Variants in SSC5D observed in about 807,000 individuals in gnomAD.
The protein encoded by SSC5D is soluble scavenger receptor cysteine-rich domain-containing protein SSC5D.
In SSC5D, 106 loss-of-function variants were observed where a neutral mutation model predicts 104.6. The ratio of observed to expected loss-of-function variants is 1.01; its 90% confidence interval spans 0.87 to 1.19. The LOEUF is 1.19. SSC5D is among the 50% of genes most tolerant of loss of function. The pLI is 0.00. For missense variants in SSC5D, 1,993 were observed against 2,153.8 expected (o/e 0.93, Z 1.48); for synonymous variants, 860 against 883.5 (o/e 0.97, Z 0.47).
chr19:55,504,603 C>T (rs750785242), intron 12 of SSC5D, among the ~76,000 whole-genome samples: 4 of 152,204 alleles, frequency 2.6e-5, no homozygotes, highest in Non-Finnish European at 5.9e-5. Flanking sequence ...CAGGTTTAAA[C>T]GATTCTCCTG....
In SSC5D at chr19:55,495,216, C is replaced by CATATATATATGT. The variant is rs1555765015; in HGVS notation, c.1387+443_1387+444insGTATATATATAT. Among the ~76,000 whole-genome samples the CATATATATATGT allele has an allele frequency of 3.2e-3, 27 of 8,428 alleles. 2 individuals are homozygous for CATATATATATGT. The highest frequency in any genetic ancestry group is 4.2e-3 in the Non-Finnish European group (17 of 4,018). The allele number at this position is 8,428 out of a possible 152,430, so 5.5% of individuals were successfully genotyped here. ...ATCAATGGTTCTGCCTGCCTCCTTT[C>CATATATATATGT]ATATATATATATATATATTTTTTTT... is the stretch of plus-strand genomic sequence containing the variant. On this transcript the variant is annotated intron_variant, in intron 8 of 13. Transcript: ENST00000389623.
chr19:55,500,846 C>A lies in SSC5D; in HGVS notation c.2617+42C>A. On this transcript the variant is annotated intron_variant, in intron 11 of 13. Coordinates refer to ENST00000389623, the MANE Select transcript of SSC5D (RefSeq NM_001144950.2). The surrounding 1 kb of genome is among the most constrained non-coding windows in gnomAD (Gnocchi z 4.6). ...GCGGTGGTGGGGTTGTCGGGGGTGG[C>A]CAGGAGAATGGAGTCAGGGTGGGGC... 1 of 1,526,996 alleles carries A rather than the reference C, an allele frequency of 6.5e-7. No individual in the cohort carries two copies. 94.6% of individuals were successfully genotyped at this position (1,526,996 alleles called of 1,614,324 possible). A position where few individuals can be genotyped will look rare whatever the true frequency, so the allele number is the denominator to read the frequency against.
At chr19:55,506,373 ATTTTTTTTTTTTTTTTTTTTTTTT>A (rs869296361) in intron 12 of SSC5D, among the ~76,000 whole-genome samples, 29 of 72,064 alleles carry the variant, frequency 4.0e-4, no homozygotes, top group African/African-American at 1.4e-3. Context: ...TGGAATTTGG[ATTTTTTTTTTTTTTTTTTTTTTTT>A]TTTTTTTTTT....
intron 12 of SSC5D, among the ~76,000 whole-genome samples, chr19:55,508,938 A>C (rs974744607): frequency 2.8e-5 from 4 of 144,486 alleles, no homozygotes; most frequent in African/African-American, 1.0e-4. Context: ...CCTATACAGC[A>C]GGGATGGCCT....
chr19:55,505,074 A>G (rs1419747930), intron 12 of SSC5D, among the ~76,000 whole-genome samples: 1 of 151,274 alleles, frequency 6.6e-6, no homozygotes, highest in Non-Finnish European at 1.5e-5. Flanking sequence ...CGACTCTCCT[A>G]CCAGGTTCCA....
chr19:55,489,420 G>T lies in SSC5D; in HGVS notation c.119G>T (p.Arg40Leu). The T allele has an allele frequency of 6.7e-7, 1 of 1,491,010 alleles. No individual in the cohort carries two copies. The highest frequency in any genetic ancestry group is 8.9e-7 in the Non-Finnish European group (1 of 1,127,422). 92.4% of individuals were successfully genotyped at this position (1,491,010 alleles called of 1,614,324 possible). Residue 40 changes from arginine to leucine, a missense_variant, in exon 3 of 14, where the codon CGC (arginine) becomes CTC (leucine). Transcript: ENST00000389623. ...CGCCTGGAGGTCTGGCATGGCGGGC[G>T]CTGGGGCACCGTGTGTGATGACGGC... ...AGRLEVWHGG[R>L]WGTVCDDGWD...
In SSC5D at chr19:55,503,439, A is replaced by ATCTCCCGCGCCTTCCCTGCAG. The variant is rs1599923351; in HGVS notation, c.2785+2248_2785+2268dup. 2.0e-5 allele frequency among the ~76,000 whole-genome samples: 3 copies of ATCTCCCGCGCCTTCCCTGCAG among 151,270 alleles called. No individual in the cohort carries two copies. The highest frequency in any genetic ancestry group is 2.1e-4 in the South Asian group (1 of 4,784). On this transcript the variant is annotated intron_variant, in intron 12 of 13. Transcript: ENST00000389623. The surrounding 1 kb of genome is among the most constrained non-coding windows in gnomAD (Gnocchi z 4.0). ...TCTTACGGTTGTTTTCTGAGTCTCCATCTCCCGCGCCTTCCCTGCAGTCTC... is the reference window on the plus strand; with the variant it reads ...TCTTACGGTTGTTTTCTGAGTCTCCATCTCCCGCGCCTTCCCTGCAGTCTCCCGCGCCTTCCCTGCAGTCTC...
intron 8 of SSC5D, among the ~76,000 whole-genome samples, chr19:55,495,345 G>A (rs560120477): frequency 5.6e-5 from 8 of 142,520 alleles, no homozygotes; most frequent in African/African-American, 1.6e-4. Flanking sequence ...CAACCTGCAG[G>A]CTCAAGTGAT....
At chr19:55,502,307 C>T (rs142842925) in intron 12 of SSC5D, among the ~76,000 whole-genome samples, 18 of 152,146 alleles carry the variant, frequency 1.2e-4, no homozygotes, top group East Asian at 7.7e-4. Context: ...GTCTTTATGC[C>T]GTATTTTTTT....
Position 55,488,474 on chromosome 19 carries a change from G to T in SSC5D, c.-116G>T. ...CGTCCAGCCCTGCCTGCTCCTCCTCGGGCCTGGGCGCCTCCAGCAGGCACT... is the reference window on the plus strand; with the variant it reads ...CGTCCAGCCCTGCCTGCTCCTCCTCTGGCCTGGGCGCCTCCAGCAGGCACT... On this transcript the variant is annotated 5_prime_UTR_variant, in exon 1 of 14. Coordinates refer to ENST00000389623, the MANE Select transcript of SSC5D (RefSeq NM_001144950.2). 3.4e-6 allele frequency: 3 copies of T among 888,100 alleles called. No individual in the cohort carries two copies. Among genetic ancestry groups the T allele is most frequent in the Admixed American group, 4.3e-5 (2 of 46,452 alleles). The allele number at this position is 888,100 out of a possible 1,614,324, so 55.0% of individuals were successfully genotyped here. A position where few individuals can be genotyped will look rare whatever the true frequency, so the allele number is the denominator to read the frequency against.
Position 55,506,373 on chromosome 19 carries a change from A to ATTTTTTTTT in SSC5D, c.2785+5203_2785+5211dup, listed in dbSNP as rs869296361. On this transcript the variant is annotated intron_variant, in intron 12 of 13. Transcript: ENST00000389623. ...GAGATTGGAGGCCTGTGGAATTTGG[A>ATTTTTTTTT]TTTTTTTTTTTTTTTTTTTTTTTTT... Among the ~76,000 whole-genome samples, 5 of 72,064 alleles carry ATTTTTTTTT rather than the reference A, an allele frequency of 6.9e-5. 1 individual carries two copies. The highest frequency in any genetic ancestry group is 2.8e-4 in the African/African-American group (5 of 18,034). 47.3% of individuals were successfully genotyped at this position (72,064 alleles called of 152,430 possible). A position where few individuals can be genotyped will look rare whatever the true frequency, so the allele number is the denominator to read the frequency against.
At chr19:55,504,506 T>C (rs937247273) in intron 12 of SSC5D, among the ~76,000 whole-genome samples, 7 of 152,200 alleles carry the variant, frequency 4.6e-5, no homozygotes, top group South Asian at 2.1e-4. Context: ...GTTTTATTTA[T>C]TTATTATTTA....
In SSC5D at chr19:55,501,133, C is replaced by A; in HGVS notation, c.2717C>A (p.Thr906Asn). The A allele has an allele frequency of 1.3e-6, 2 of 1,551,254 alleles. No homozygotes were observed. Among genetic ancestry groups the A allele is most frequent in the Non-Finnish European group, 1.7e-6 (2 of 1,146,770 alleles). Residue 906 changes from threonine to asparagine, a missense_variant, in exon 12 of 14, where the codon ACT becomes AAT. Transcript: ENST00000389623. ...GTTTAGVPGH[T>N]LPWRTTRRPG... The stretch of plus-strand genomic sequence containing the variant: ...ACCACAGCGGGGGTACCTGGACACA[C>A]TCTCCCCTGGAGGACCACCCGGCGC...
rs1027034371 is a variant in SSC5D, at chr19:55,489,886, G to A, written c.366G>A (p.Gln122=). Residue 122 remains glutamine (Q), a synonymous_variant, in exon 4 of 14, where the codon CAG becomes CAA. Transcript: ENST00000389623. ...EEDAGVVCAG[Q]RVANSRDDST... ...GTCCCTGCCCCCCCGCCGCAGGTCA[G>A]CGTGTGGCTAACTCCAGGGACGACT... 17 of 1,548,912 alleles carry A rather than the reference G, an allele frequency of 1.1e-5. No homozygotes were observed. The highest frequency in any genetic ancestry group is 2.0e-5 in the Admixed American group (1 of 50,856).
Position 55,498,165 on chromosome 19 carries a change from C to G in SSC5D, c.1673C>G (p.Ala558Gly). The change falls in exon 9 of 14, where the codon GCT becomes GGT. Residue 558 changes from alanine (A) to glycine (G), a missense_variant. Ala to Gly is a moderately conservative substitution (Grantham distance 60). Transcript: ENST00000389623. ...PAAPWGKHNC[A>G]HNEDVGVTCT... ...GCTCCCTGGGGAAAGCACAACTGCGCTCACAATGAGGATGTTGGGGTCACC... is the reference window on the plus strand; with the variant it reads ...GCTCCCTGGGGAAAGCACAACTGCGGTCACAATGAGGATGTTGGGGTCACC... 1 of 1,551,740 alleles carries G rather than the reference C, an allele frequency of 6.4e-7. No individual in the cohort carries two copies. The highest frequency in any genetic ancestry group is 8.7e-7 in the Non-Finnish European group (1 of 1,146,996).
chr19:55,513,814 G>A (rs1211532382), intron 13 of SSC5D, among the ~76,000 whole-genome samples: 2 of 152,154 alleles, frequency 1.3e-5, no homozygotes, highest in Non-Finnish European at 2.9e-5. Flanking sequence ...TAGTACCGAG[G>A]TTGAGAAACC....
Position 55,490,858 on chromosome 19 carries a change from G to T in SSC5D, c.673G>T (p.Asp225Tyr), listed in dbSNP as rs754510618. The T allele has an allele frequency of 2.6e-6, 4 of 1,547,022 alleles. No individual in the cohort carries two copies. Among genetic ancestry groups the T allele is most frequent in the Non-Finnish European group, 3.5e-6 (4 of 1,145,318 alleles). The change falls in exon 6 of 14, where the codon GAT becomes TAT. Residue 225 changes from aspartate (D) to tyrosine (Y), a missense_variant. By Grantham distance (160) the Asp-to-Tyr change is radical. Coordinates refer to ENST00000389623, the MANE Select transcript of SSC5D (RefSeq NM_001144950.2). The part of the protein sequence containing the change: ...HGGRWGTVCD[D>Y]GWDLRDAAVA... Reference sequence around the variant, plus strand: ...CGGGCGCTGGGGCACCGTATGTGACGATGGCTGGGACCTGCGCGACGCTGC... The same window carrying T: ...CGGGCGCTGGGGCACCGTATGTGACTATGGCTGGGACCTGCGCGACGCTGC...
rs949387534 is a variant in SSC5D, at chr19:55,498,202, G to A, written c.1705+5G>A. ...ATGTTGGGGTCACCTGCACTGGTAA[G>A]GAGGCCCTAGCTATCTGTTGACTCC... On this transcript the variant is annotated splice_donor_5th_base_variant and intron_variant, in intron 9 of 13. Coordinates refer to ENST00000389623, the MANE Select transcript of SSC5D (RefSeq NM_001144950.2). 1 of 1,551,636 alleles carries A rather than the reference G, an allele frequency of 6.4e-7. No homozygotes were observed. The highest frequency in any genetic ancestry group is 1.2e-5 in the South Asian group (1 of 84,066).
intron 6 of SSC5D, chr19:55,491,693 C>G (rs1987147876): frequency 6.5e-6 from 1 of 152,832 alleles, no homozygotes; most frequent in African/African-American, 2.4e-5. Flanking sequence ...TCCTGTACCC[C>G]TTGGACCTGG....
Sources: gnomAD v4.1 joint callset for allele counts (sites outside exome capture counted in the v4.1 genomes callset) on GRCh38, gnomAD v4.1.1 for gene constraint, Gnocchi (gnomAD v3.1) non-coding constraint, MANE v1.5 for transcripts, NCBI Gene and HGNC (gene_info 2026-07-23, HGNC 2026-07-21) for gene names.